TIMP2: variants seen among roughly 807,000 people sequenced by gnomAD.
The protein encoded by TIMP2 is metalloproteinase inhibitor 2.
In TIMP2, 5 loss-of-function variants were observed where a neutral mutation model predicts 24.3. The observed-to-expected ratio is 0.21, with a 90% CI of 0.11 to 0.43. TIMP2 has a LOEUF of 0.43. Ranked by LOEUF, TIMP2 falls within the 20% of genes least tolerant of loss-of-function variation. TIMP2 has a pLI of 1.00. For synonymous variants in TIMP2, 130 were observed against 123.2 expected, an observed-to-expected ratio of 1.06 and a Z score of -0.37; for missense variants, 221 against 297.5, an observed-to-expected ratio of 0.74 and a Z score of 1.89.
chr17:78,909,658 G>A (rs1203051963), intron 1 of TIMP2, among the ~76,000 whole-genome samples: 1 of 152,122 alleles, frequency 6.6e-6, no homozygotes, highest in Non-Finnish European at 1.5e-5. Flanking sequence ...GGTGACAAAC[G>A]TCCTCTGTAC....
At chr17:78,905,963 T>C (rs2070154796) in intron 1 of TIMP2, among the ~76,000 whole-genome samples, 1 of 152,274 alleles carries the variant, frequency 6.6e-6, no homozygotes, top group Admixed American at 6.5e-5. Flanking sequence ...CATGACTCTT[T>C]TGGTTTCCCA....
At chr17:78,856,993 CTCT>C (rs1227762413) in intron 4 of TIMP2, 1 of 152,728 alleles carries the variant, frequency 6.5e-6, no homozygotes, top group African/African-American at 2.4e-5. Flanking sequence ...AGACATCTCC[CTCT>C]TTTTTTTTTG....
intron 1 of TIMP2, among the ~76,000 whole-genome samples, chr17:78,881,280 T>C (rs8069845): frequency 0.93 from 141,751 of 152,338 alleles, 66,048 homozygotes; most frequent in African/African-American, 0.96. Flanking sequence ...AAGCGCCTCC[T>C]TCCCCTCTGT....
At chr17:78,915,163 C>T (rs1170254676) in intron 1 of TIMP2, among the ~76,000 whole-genome samples, 2 of 152,150 alleles carry the variant, frequency 1.3e-5, no homozygotes, top group African/African-American at 4.8e-5. Flanking sequence ...TCCCAAAGTG[C>T]TGGGATTACA....
chr17:78,878,547 C>T (rs942816207), intron 1 of TIMP2, among the ~76,000 whole-genome samples: 2 of 152,206 alleles, frequency 1.3e-5, no homozygotes, highest in African/African-American at 4.8e-5. Context: ...CACAGACTCT[C>T]GATTTGATGC....
intron 1 of TIMP2, among the ~76,000 whole-genome samples, chr17:78,893,424 T>C (rs2069946863): frequency 8.0e-6 from 1 of 125,116 alleles, no homozygotes; most frequent in African/African-American, 4.5e-5. Flanking sequence ...TAGGGGTGTG[T>C]GTGCAGGGGT....
intron 3 of TIMP2, among the ~76,000 whole-genome samples, chr17:78,858,368 G>A (rs937205148): frequency 3.0e-4 from 46 of 151,452 alleles, no homozygotes; most frequent in African/African-American, 9.2e-4. Context: ...GCGTGAACCC[G>A]GGAGGCGGAG....
intron 1 of TIMP2, among the ~76,000 whole-genome samples, chr17:78,894,062 A>C (rs532536880): frequency 1.3e-5 from 2 of 152,320 alleles, no homozygotes; most frequent in East Asian, 3.9e-4. Context: ...CTGAAGTCAC[A>C]TGTAGTTGCA....
chr17:78,892,074 G>T (rs745449724), intron 1 of TIMP2: 2 of 1,551,772 alleles, frequency 1.3e-6, no homozygotes, highest in East Asian at 2.4e-5. Context: ...TCCCTGGCCC[G>T]TCCTCCTCCC....
intron 3 of TIMP2, among the ~76,000 whole-genome samples, chr17:78,870,122 T>C (rs2069663289): frequency 6.6e-6 from 1 of 152,014 alleles, no homozygotes; most frequent in African/African-American, 2.4e-5. Context: ...AAGTGTACAC[T>C]TGAAAATGGT....
intron 1 of TIMP2, among the ~76,000 whole-genome samples, chr17:78,922,575 T>C (rs1000446686): frequency 6.6e-6 from 1 of 152,190 alleles, no homozygotes; most frequent in African/African-American, 2.4e-5. Flanking sequence ...CCCAGCACTT[T>C]GGGAGGCTGA....
In TIMP2 at chr17:78,855,653, C is replaced by A. The variant is rs766341437; in HGVS notation, c.*14G>T. ...CTTTTTTTGCAGTTGGCCACAGGGGCGTTGGAGGCCTGCTTATGGGTCCTC... is the reference window on the plus strand; with the variant it reads ...CTTTTTTTGCAGTTGGCCACAGGGGAGTTGGAGGCCTGCTTATGGGTCCTC... On this transcript the variant is annotated 3_prime_UTR_variant, in exon 5 of 5. Coordinates refer to ENST00000262768, the MANE Select transcript of TIMP2 (RefSeq NM_003255.5). The surrounding 1 kb of genome is among the most constrained non-coding windows in gnomAD (Gnocchi z 6.0). 2 of 1,612,372 alleles carry A rather than the reference C, an allele frequency of 1.2e-6. No individual in the cohort carries two copies. Among genetic ancestry groups the A allele is most frequent in the South Asian group, 2.2e-5 (2 of 91,080 alleles).
intron 1 of TIMP2, among the ~76,000 whole-genome samples, chr17:78,877,238 T>C (rs2069735288): frequency 6.6e-6 from 1 of 152,236 alleles, no homozygotes; most frequent in African/African-American, 2.4e-5. Context: ...ATGTGCCAGA[T>C]TAACTTGGTC....
rs749897453 is a variant in TIMP2 at position 78,891,234 on chromosome 17, T to G, written c.131-17315A>C. 4 of 1,550,582 alleles carry G rather than the reference T, an allele frequency of 2.6e-6. No individual in the cohort carries two copies. The South Asian group carries it at 3.6e-5, about 14-fold the overall frequency. ...TTCTGGGCCTTGCCCATGAACGTTT[T>G]CAAGTCGGTCTTGGACGCTGCCTGC... On this transcript the variant is annotated intron_variant, in intron 1 of 4. Transcript: ENST00000262768. This position sits in a 1 kb window ranked among gnomAD's most constrained non-coding sequence, Gnocchi z 4.5.
chr17:78,914,462 T>C (rs111854169), intron 1 of TIMP2, among the ~76,000 whole-genome samples: 2,716 of 151,910 alleles, frequency 0.018, 48 homozygotes, highest in East Asian at 0.053. Flanking sequence ...TTTGTATTTT[T>C]AGTAGAGATG....
chr17:78,903,487 T>A (rs776910652), intron 1 of TIMP2, among the ~76,000 whole-genome samples: 3 of 152,218 alleles, frequency 2.0e-5, no homozygotes, highest in Non-Finnish European at 2.9e-5. Flanking sequence ...AGGGTGTCAT[T>A]CTCTCTGAGC....
chr17:78,856,158 C>T, intron 4 of TIMP2: 1 of 451,776 alleles, frequency 2.2e-6, no homozygotes, highest in East Asian at 4.2e-5. Flanking sequence ...CAGCTTGGCC[C>T]TGCCCTCTGG....
In TIMP2 at chr17:78,906,676, G is replaced by A. The variant is rs534665389; in HGVS notation, c.130+18283C>T. Among the ~76,000 whole-genome samples, 60 of 151,694 alleles carry A rather than the reference G, an allele frequency of 4.0e-4. 1 individual carries two copies. In the East Asian group the frequency reaches 5.3e-3, roughly 13 times the overall value. The stretch of plus-strand genomic sequence containing the variant: ...CGGCTCACTGCAACCTCCATCTCCC[G>A]GGTTCACGCGATTCTTGTGCCTCAG... On this transcript the variant is annotated intron_variant, in intron 1 of 4. Coordinates refer to ENST00000262768, the MANE Select transcript of TIMP2 (RefSeq NM_003255.5).
rs2069884114 is a variant in TIMP2 at position 78,891,078 on chromosome 17, T to TGGGGGTCTCTTGTCCA, written c.131-17175_131-17160dup. On this transcript the variant is annotated intron_variant, in intron 1 of 4. Transcript: ENST00000262768. This position sits in a 1 kb window ranked among gnomAD's most constrained non-coding sequence, Gnocchi z 4.5. ...GAGCCCTCTGCCAGCGTGCCCAGTT[T>TGGGGGTCTCTTGTCCA]GGGGGTCTCTTGTCCAGATTCAGTG... is the stretch of plus-strand genomic sequence containing the variant. 17 of 1,551,018 alleles carry TGGGGGTCTCTTGTCCA rather than the reference T, an allele frequency of 1.1e-5. No homozygotes were observed. Among genetic ancestry groups the TGGGGGTCTCTTGTCCA allele is most frequent in the Non-Finnish European group, 1.5e-5 (17 of 1,147,080 alleles).
Sources: gnomAD v4.1 joint callset for allele counts (sites outside exome capture counted in the v4.1 genomes callset) on GRCh38, gnomAD v4.1.1 for gene constraint, Gnocchi (gnomAD v3.1) non-coding constraint, MANE v1.5 for transcripts, NCBI Gene and HGNC (gene_info 2026-07-23, HGNC 2026-07-21) for gene names.